The following VTI1A variants were observed in gnomAD, a reference collection of about 807,000 sequenced individuals.
VTI1A encodes the protein vesicle transport through interaction with t-SNAREs 1A, also known as vesicle transport through interaction with t-SNAREs homolog 1A.
In VTI1A, 22 loss-of-function variants were observed where a neutral mutation model predicts 34.9. That is an observed-to-expected ratio of 0.63 (90% CI 0.45 to 0.90). VTI1A has a LOEUF of 0.90. Among genes scored for constraint, VTI1A ranks in the 40% least tolerant of loss-of-function variants. VTI1A has a pLI of 0.00. For missense variants in VTI1A, 268 were observed against 275.6 expected (o/e 0.97, Z 0.20); for synonymous variants, 87 against 97.3 (o/e 0.89, Z 0.62).
the VTI1A span, among the ~76,000 whole-genome samples, chr10:112,837,925 C>T: frequency 2.6e-5 from 4 of 152,190 alleles, no homozygotes; most frequent in Admixed American, 2.0e-4. Flanking sequence ...ATCCAGGCCT[C>T]GGCCAAGGGT....
intron 3 of VTI1A, among the ~76,000 whole-genome samples, chr10:112,479,398 C>T (rs1450108912): frequency 1.3e-5 from 2 of 151,916 alleles, no homozygotes; most frequent in Non-Finnish European, 2.9e-5. Context: ...CTGCTTCTGC[C>T]GCAGCACAGG....
intron 7 of VTI1A, among the ~76,000 whole-genome samples, chr10:112,693,583 G>A (rs1848680764): frequency 6.6e-6 from 1 of 152,134 alleles, no homozygotes; most frequent in African/African-American, 2.4e-5. Context: ...AATAAAAATA[G>A]CTTATCTGAC....
chr10:112,606,836 T>C (rs1350896040), intron 5 of VTI1A, among the ~76,000 whole-genome samples: 1 of 152,188 alleles, frequency 6.6e-6, no homozygotes, highest in East Asian at 1.9e-4. Context: ...GTTTTCACAA[T>C]CAAATTAGCT....
intron 7 of VTI1A, among the ~76,000 whole-genome samples, chr10:112,753,715 C>T (rs1590153448): frequency 6.6e-6 from 1 of 152,198 alleles, no homozygotes; most frequent in East Asian, 1.9e-4. Flanking sequence ...GAGTTGAAGT[C>T]GCCAGGAGCA....
At chr10:112,473,095 T>A (rs1848154009) in intron 3 of VTI1A, among the ~76,000 whole-genome samples, 1 of 151,430 alleles carries the variant, frequency 6.6e-6, no homozygotes, top group Non-Finnish European at 1.5e-5. Flanking sequence ...ATGAGGTCAT[T>A]TGATCCACTT....
At chr10:112,591,259 G>A (rs1023196958) in intron 5 of VTI1A, among the ~76,000 whole-genome samples, 3 of 151,986 alleles carry the variant, frequency 2.0e-5, no homozygotes, top group Admixed American at 6.6e-5. Flanking sequence ...GGTGGCTCAC[G>A]CCTGTAATCC....
At chr10:112,715,430 T>G (rs10885375) in intron 7 of VTI1A, among the ~76,000 whole-genome samples, 42,253 of 152,076 alleles carry the variant, frequency 0.28, 7,404 homozygotes, top group Non-Finnish European at 0.39. Context: ...TGGAGTCCTC[T>G]TTGTTAAAAC....
At chr10:112,618,500 T>TAG in intron 5 of VTI1A, among the ~76,000 whole-genome samples, 1 of 47,542 alleles carries the variant, frequency 2.1e-5, no homozygotes, top group Non-Finnish European at 3.5e-5. Flanking sequence ...TATATATATA[T>TAG]ATATATATAT....
At chr10:112,852,658 C>T in the VTI1A span, among the ~76,000 whole-genome samples, 3 of 152,232 alleles carry the variant, frequency 2.0e-5, no homozygotes, top group Admixed American at 6.5e-5. Flanking sequence ...ATATCTGCTT[C>T]GCAGTGCAGT....
At chr10:112,737,351 T>C (rs1850523942) in intron 7 of VTI1A, 1 of 1,025,846 alleles carries the variant, frequency 9.7e-7, no homozygotes, top group South Asian at 4.6e-5. Context: ...ACAATTATTT[T>C]TAAAAGGAGG....
In VTI1A at chr10:112,739,318, C is replaced by T. The variant is rs374491443; in HGVS notation, c.560+70320C>T. Reference sequence around the variant, plus strand: ...CAAAGTAATGAGAAAAACAATTGCCCACAGTGAGGATGTCCATGGTCCCCA... The same window carrying T: ...CAAAGTAATGAGAAAAACAATTGCCTACAGTGAGGATGTCCATGGTCCCCA... On this transcript the variant is annotated intron_variant, in intron 7 of 7. Coordinates refer to ENST00000393077, the MANE Select transcript of VTI1A (RefSeq NM_145206.4). Among the ~76,000 whole-genome samples, 8 of 152,304 alleles carry T rather than the reference C, an allele frequency of 5.3e-5. 2 individuals carry two copies. In the South Asian group the frequency reaches 1.2e-3, roughly 24 times the overall value.
chr10:112,575,784 A>G (rs544203032), intron 5 of VTI1A, among the ~76,000 whole-genome samples: 35 of 152,292 alleles, frequency 2.3e-4, no homozygotes, highest in African/African-American at 7.9e-4. Flanking sequence ...TCTCAGCAGC[A>G]TTGGAGCCAT....
chr10:112,771,732 C>T (rs1473795409), intron 7 of VTI1A, among the ~76,000 whole-genome samples: 1 of 152,178 alleles, frequency 6.6e-6, no homozygotes, highest in Admixed American at 6.5e-5. Flanking sequence ...CAGCCCTATG[C>T]AACCATGATT....
At chr10:112,570,944 AC>A (rs1314472871) in intron 5 of VTI1A, among the ~76,000 whole-genome samples, 9 of 152,234 alleles carry the variant, frequency 5.9e-5, no homozygotes, top group Admixed American at 5.9e-4. Context: ...TCATTTAATA[AC>A]CATGTAAGTC....
At chr10:112,825,455 C>G in the VTI1A span, 3 of 152,326 alleles carry the variant, frequency 2.0e-5, no homozygotes, top group South Asian at 2.1e-4. Context: ...GCCTCTAGCC[C>G]CCCCCAGATC....
chr10:112,603,111 G>A (rs558470361), intron 5 of VTI1A, among the ~76,000 whole-genome samples: 148 of 152,308 alleles, frequency 9.7e-4, no homozygotes, highest in Admixed American at 2.0e-3. Context: ...TCATTGTATC[G>A]TTTGCCTAAA....
Position 112,727,994 on chromosome 10 carries a change from A to G in VTI1A, c.560+58996A>G, listed in dbSNP as rs1012800651. 2.6e-5 allele frequency among the ~76,000 whole-genome samples: 4 copies of G among 152,026 alleles called. No homozygotes were observed. In the East Asian group the frequency reaches 7.7e-4, roughly 29 times the overall value. On this transcript the variant is annotated intron_variant, in intron 7 of 7. Transcript: ENST00000393077. ...CTCACAGCCCCTCTTCACCACCCCC[A>G]TACCCAGTAGGGTCCATTCCACACC...
intron 4 of VTI1A, among the ~76,000 whole-genome samples, chr10:112,536,241 C>T (rs558862458): frequency 6.6e-6 from 1 of 152,162 alleles, no homozygotes; most frequent in South Asian, 2.1e-4. Flanking sequence ...TATTTGTTGT[C>T]TTATTCTGGA....
At chr10:112,531,506 T>TAAAGAAA (rs1554897188) in intron 4 of VTI1A, among the ~76,000 whole-genome samples, 97 of 148,976 alleles carry the variant, frequency 6.5e-4, no homozygotes, top group Non-Finnish European at 9.2e-4. Context: ...AGAAAAAAGA[T>TAAAGAAA]AAAGATGAAA....
Sources: allele counts gnomAD v4.1 joint callset (sites outside exome capture counted in the v4.1 genomes callset), GRCh38; gene constraint gnomAD v4.1.1; transcripts MANE v1.5; gene names NCBI Gene and HGNC (gene_info 2026-07-23, HGNC 2026-07-21).